The following OSBPL5 variants were observed in gnomAD, a reference collection of about 807,000 sequenced individuals.
OSBPL5 encodes oxysterol binding protein like 5.
In OSBPL5, 71 loss-of-function variants were observed where a neutral mutation model predicts 111.2. That is an observed-to-expected ratio of 0.64 (90% CI 0.53 to 0.78). The LOEUF (loss-of-function observed/expected upper bound fraction) is 0.78. Ranked by LOEUF, OSBPL5 falls within the 30% of genes least tolerant of loss-of-function variation. OSBPL5 has a pLI of 0.00. For missense variants in OSBPL5, 1,210 were observed against 1,189.3 expected, an observed-to-expected ratio of 1.02 and a Z score of -0.26; for synonymous variants, 549 against 513.9, an observed-to-expected ratio of 1.07 and a Z score of -0.93.
At chr11:3,093,987 C>A in intron 15 of OSBPL5, 152 bp from the exon 16 acceptor site, 1 of 951,670 alleles carries the variant, frequency 1.1e-6, no homozygotes, top group Non-Finnish European at 1.6e-6. Context: ...CCTTCGGGAC[C>A]CCCACGCCTC....
chr11:3,128,953 G>A, intron 2 of OSBPL5, 60 bp downstream of exon 2: 1 of 1,407,580 alleles, frequency 7.1e-7, no homozygotes, highest in Non-Finnish European at 9.3e-7. Context: ...GGGCCGCCCG[G>A]GGTCACCCCA....
At chr11:3,143,212 G>C (rs1227803064) in intron 1 of OSBPL5, among the ~76,000 whole-genome samples, 4 of 127,714 alleles carry the variant, frequency 3.1e-5, no homozygotes, top group African/African-American at 8.8e-5. Context: ...GTGCAGAGGG[G>C]GGCAGAGGAG....
In OSBPL5 at chr11:3,106,174, C is replaced by T. The variant is rs896810928; in HGVS notation, c.1059+1089G>A. The stretch of plus-strand genomic sequence containing the variant: ...CCCGCAGGGAGGCCATGGTGTTCCA[C>T]TGAACACAAGGATTTCACGGACCAC... On this transcript the variant is annotated intron_variant, in intron 9 of 21. Transcript: ENST00000263650. This position sits in a 1 kb window ranked among gnomAD's most constrained non-coding sequence, Gnocchi z 8.4. 4.6e-5 allele frequency among the ~76,000 whole-genome samples: 7 copies of T among 152,224 alleles called. No homozygotes were observed. The highest frequency in any genetic ancestry group is 1.7e-4 in the African/African-American group (7 of 41,452).
rs959611564 is a variant in OSBPL5 at position 3,109,836 on chromosome 11, T to C, written c.692-1891A>G. Among the ~76,000 whole-genome samples, 1 of 152,182 alleles carries C rather than the reference T, an allele frequency of 6.6e-6. No homozygotes were observed. The highest frequency in any genetic ancestry group is 2.4e-5 in the African/African-American group (1 of 41,436). ...AAAGGACTAGACATCCTGAATATTA[T>C]GCATCCTTTGAAGCTCATTCCGAGA... On this transcript the variant is annotated intron_variant, in intron 7 of 21. Transcript: ENST00000263650. The surrounding 1 kb of genome is among the most constrained non-coding windows in gnomAD (Gnocchi z 7.4).
intron 4 of OSBPL5, 97 bp downstream of exon 4, chr11:3,122,250 TC>T: frequency 2.1e-6 from 3 of 1,409,766 alleles, no homozygotes; most frequent in Admixed American, 1.9e-5. Flanking sequence ...GTGCGGTTTG[TC>T]CCCTCCTTTT....
chr11:3,161,769 A>C lies in OSBPL5; in HGVS notation c.-22+3447T>G, dbSNP rs1277550405. On this transcript the variant is annotated intron_variant, in intron 1 of 21. Coordinates refer to ENST00000263650, the MANE Select transcript of OSBPL5 (RefSeq NM_020896.4). The surrounding 1 kb of genome is among the most constrained non-coding windows in gnomAD (Gnocchi z 8.0). Reference sequence around the variant, plus strand: ...TATAAATAAAGAGAAAACAAAACACAGAGCTGAGAGCTGCTTTGGAATGGG... The same window carrying C: ...TATAAATAAAGAGAAAACAAAACACCGAGCTGAGAGCTGCTTTGGAATGGG... Among the ~76,000 whole-genome samples the C allele has an allele frequency of 6.6e-6, 1 of 152,216 alleles. No individual in the cohort carries two copies. Among genetic ancestry groups the C allele is most frequent in the Non-Finnish European group, 1.5e-5 (1 of 68,040 alleles).
intron 1 of OSBPL5, among the ~76,000 whole-genome samples, chr11:3,163,119 C>T (rs1367673896): frequency 1.3e-5 from 2 of 152,250 alleles, no homozygotes; most frequent in Non-Finnish European, 2.9e-5. Context: ...GAGGTCAGAG[C>T]TTCCAGCTCC....
rs1856930447 is a variant in OSBPL5 at position 3,088,044 on chromosome 11, G to C, written c.*161C>G. On this transcript the variant is annotated 3_prime_UTR_variant, in exon 22 of 22. Coordinates refer to ENST00000263650, the MANE Select transcript of OSBPL5 (RefSeq NM_020896.4). ...CCCTGAGAGGGGCCCAGCACACCTGGGCCCGCAGCGCCTTGTGGCCCCGGG... is the reference window on the plus strand; with the variant it reads ...CCCTGAGAGGGGCCCAGCACACCTGCGCCCGCAGCGCCTTGTGGCCCCGGG... 1 of 568,932 alleles carries C rather than the reference G, an allele frequency of 1.8e-6. No homozygotes were observed. Among genetic ancestry groups the C allele is most frequent in the Non-Finnish European group, 2.7e-6 (1 of 364,032 alleles). 35.2% of individuals were successfully genotyped at this position (568,932 alleles called of 1,614,324 possible).
chr11:3,153,560 G>A (rs1433959450), intron 1 of OSBPL5, among the ~76,000 whole-genome samples: 3 of 152,156 alleles, frequency 2.0e-5, no homozygotes, highest in East Asian at 1.9e-4. Context: ...CGCCAGCACC[G>A]TCGCTAGGGC....
chr11:3,107,846 G>T lies in OSBPL5; in HGVS notation c.791C>A (p.Ser264Ter). Residue 264 changes from serine (S) to a stop codon, truncating the protein, a stop_gained, in exon 8 of 22, where the codon TCG becomes TAG. Coordinates refer to ENST00000263650, the MANE Select transcript of OSBPL5 (RefSeq NM_020896.4). LOFTEE classifies it high-confidence loss of function. The surrounding 1 kb of genome is among the most constrained non-coding windows in gnomAD (Gnocchi z 6.1). ...GAGCGATGAGGGTGATGCGTCTGGC[G>T]AGGTCCCTGGCTCCCCGTCTCGGCC... ...KPGRDGEPGT[S>*]PDASPSSLCG... The T allele has an allele frequency of 6.2e-7, 1 of 1,611,420 alleles. No homozygotes were observed.
Position 3,101,662 on chromosome 11 carries a change from C to T in OSBPL5, c.1463G>A (p.Ser488Asn), listed in dbSNP as rs1488075664. ...HHPPVSAFHVSNRKDGFCISG... is the reference protein window; with the variant it reads ...HHPPVSAFHVNNRKDGFCISG... Reference sequence around the variant, plus strand: ...GATGCAGAAGCCGTCCTTCCGGTTGCTGACGTGGAAGGCAGACACGGGCGG... The same window carrying T: ...GATGCAGAAGCCGTCCTTCCGGTTGTTGACGTGGAAGGCAGACACGGGCGG... Residue 488 changes from serine (S) to asparagine (N), a missense_variant, in exon 13 of 22, where the codon AGC (serine) becomes AAC (asparagine). Coordinates refer to ENST00000263650, the MANE Select transcript of OSBPL5 (RefSeq NM_020896.4). 1 of 1,613,880 alleles carries T rather than the reference C, an allele frequency of 6.2e-7. No homozygotes were observed.
intron 7 of OSBPL5, 98 bp downstream of exon 7, chr11:3,119,449 G>T: frequency 8.1e-7 from 1 of 1,229,790 alleles, no homozygotes. Context: ...CAGTAGAAGG[G>T]ACTGAACTGG....
At chr11:3,116,100 A>T (rs538453496) in intron 7 of OSBPL5, among the ~76,000 whole-genome samples, 1 of 152,306 alleles carries the variant, frequency 6.6e-6, no homozygotes, top group East Asian at 1.9e-4. Flanking sequence ...TATTTGGTAT[A>T]AAAAATTATA....
At position 3,119,553 on chromosome 11, in the gene OSBPL5, A is replaced by C. The variant is rs1295353572; in HGVS notation, c.685T>G (p.Ser229Ala). 6.4e-7 allele frequency: 1 copy of C among 1,573,512 alleles called. No homozygotes were observed. Among genetic ancestry groups the C allele is most frequent in the East Asian group, 2.4e-5 (1 of 40,978 alleles). ...SYLIFRAASE[S>A]DGRCWLDALE... is the part of the protein sequence containing the mutation. ...CAAGCTGGCAGGGACTCACCATCTG[A>C]CTCGGAGGCGGCCCTGAAGATCAGG... is the stretch of plus-strand genomic sequence containing the variant. The change falls in exon 7 of 22, where the codon TCA becomes GCA. Residue 229 changes from serine (S) to alanine (A), a missense_variant. Ser to Ala is a moderately conservative substitution (Grantham distance 99). Transcript: ENST00000263650.
chr11:3,106,790 G>A lies in OSBPL5; in HGVS notation c.1059+473C>T, dbSNP rs1857709260. On this transcript the variant is annotated intron_variant, in intron 9 of 21. Coordinates refer to ENST00000263650, the MANE Select transcript of OSBPL5 (RefSeq NM_020896.4). This position sits in a 1 kb window ranked among gnomAD's most constrained non-coding sequence, Gnocchi z 8.4. The stretch of plus-strand genomic sequence containing the variant: ...CTATGTTTCCTGCTGCCCATACACT[G>A]GGGGCCCAGAGCCCAGGTCTGTCTC... 6.6e-6 allele frequency among the ~76,000 whole-genome samples: 1 copy of A among 152,138 alleles called. No homozygotes were observed. The highest frequency in any genetic ancestry group is 2.4e-5 in the African/African-American group (1 of 41,422).
At chr11:3,090,421 C>T in intron 20 of OSBPL5, 137 bp downstream of exon 20, 1 of 1,255,976 alleles carries the variant, frequency 8.0e-7, no homozygotes, top group Non-Finnish European at 1.1e-6. Context: ...GGGGGCCCCT[C>T]AGGGCAGCAG....
rs1857744811 is a variant in OSBPL5, at chr11:3,107,466, G to C, written c.867-11C>G. 6.2e-7 allele frequency: 1 copy of C among 1,613,720 alleles called. No individual in the cohort carries two copies. Among genetic ancestry groups the C allele is most frequent in the Non-Finnish European group, 8.5e-7 (1 of 1,179,776 alleles). ...GAAGACCCGTTCAGTCTGGAAGGTG[G>C]ATGGTGCCAGTGGGTCCCTGTCACA... On this transcript the variant is annotated splice_polypyrimidine_tract_variant and intron_variant, in intron 8 of 21. Transcript: ENST00000263650. The surrounding 1 kb of genome is among the most constrained non-coding windows in gnomAD (Gnocchi z 6.1).
chr11:3,103,842 A>C lies in OSBPL5; in HGVS notation c.1244+351T>G, dbSNP rs1377110493. Among the ~76,000 whole-genome samples, 454 of 67,450 alleles carry C rather than the reference A, an allele frequency of 6.7e-3. 9 individuals carry two copies. The highest frequency in any genetic ancestry group is 0.021 in the African/African-American group (389 of 18,490). 44.2% of individuals were successfully genotyped at this position (67,450 alleles called of 152,430 possible). On this transcript the variant is annotated intron_variant, in intron 10 of 21. Transcript: ENST00000263650. ...TGCGCAGCCCCCTTCCAGCCTCTGC[A>C]GCCCCTTTCCAGTCTGCGCAGCCCC...
At position 3,107,457 on chromosome 11, in the gene OSBPL5, T is replaced by C; in HGVS notation, c.867-2A>G. The C allele has an allele frequency of 1.2e-6, 2 of 1,613,922 alleles. No homozygotes were observed. Among genetic ancestry groups the C allele is most frequent in the South Asian group, 2.2e-5 (2 of 91,082 alleles). On this transcript the variant is annotated splice_acceptor_variant, in intron 8 of 21. Transcript: ENST00000263650. LOFTEE classifies it high-confidence loss of function. The surrounding 1 kb of genome is among the most constrained non-coding windows in gnomAD (Gnocchi z 6.1). ...TTCTCCAGGGAAGACCCGTTCAGTC[T>C]GGAAGGTGGATGGTGCCAGTGGGTC...
Sources: allele counts gnomAD v4.1 joint callset (sites outside exome capture counted in the v4.1 genomes callset), GRCh38; gene constraint gnomAD v4.1.1; non-coding constraint Gnocchi (gnomAD v3.1); transcripts MANE v1.5; gene names NCBI Gene and HGNC (gene_info 2026-07-23, HGNC 2026-07-21).